KNTC1: variants seen among roughly 807,000 people sequenced by gnomAD.
KNTC1 encodes kinetochore-associated protein 1.
KNTC1 carries 253 observed loss-of-function variants against 314.4 expected under a neutral mutation model. The observed-to-expected ratio is 0.80, with a 90% confidence interval of 0.73 to 0.89. KNTC1 has a LOEUF of 0.89. Ranked by LOEUF, KNTC1 falls within the 40% of genes least tolerant of loss-of-function variation. The probability of loss-of-function intolerance (pLI) is 0.00; values close to 1 mark genes in which losing one functional copy is unlikely to be tolerated. For synonymous variants in KNTC1, 901 were observed against 901.4 expected, an observed-to-expected ratio of 1.00 and a Z score of 0.01; for missense variants, 2,475 against 2,572.9, an observed-to-expected ratio of 0.96 and a Z score of 0.82.
At position 122,538,415 on chromosome 12, in the gene KNTC1, T is replaced by G. The variant is rs751828060; in HGVS notation, c.327T>G (p.His109Gln). 1 of 1,603,386 alleles carries G rather than the reference T, an allele frequency of 6.2e-7. No individual in the cohort carries two copies. The highest frequency in any genetic ancestry group is 8.5e-7 in the Non-Finnish European group (1 of 1,174,408). The change falls in exon 4 of 64, where the codon CAT (histidine) becomes CAG (glutamine). Residue 109 changes from histidine to glutamine, a missense_variant. By Grantham distance (24) the His-to-Gln change is conservative (BLOSUM62 0). Transcript: ENST00000333479. ...TTGGCGAGAGAAGTGGCAACCTACA[T>G]CTTATTCATGTAACATCAAAACAAA... ...LLVGERSGNLHLIHVTSKQTL... is the reference protein window; with the variant it reads ...LLVGERSGNLQLIHVTSKQTL...
chr12:122,572,320 G>A (rs1265227948), intron 24 of KNTC1, among the ~76,000 whole-genome samples: 10 of 151,990 alleles, frequency 6.6e-5, no homozygotes, highest in Admixed American at 6.6e-4. Context: ...GCTTGAAACG[G>A]GGAGGCAGAG....
intron 16 of KNTC1, among the ~76,000 whole-genome samples, chr12:122,554,211 A>G (rs1963422999): frequency 6.7e-6 from 1 of 150,008 alleles, no homozygotes; most frequent in Non-Finnish European, 1.5e-5. Flanking sequence ...GATTACAGGC[A>G]TGAGCCACCA....
chr12:122,539,569 C>A, intron 4 of KNTC1, 107 bp from the exon 5 acceptor site: 1 of 750,170 alleles, frequency 1.3e-6, no homozygotes, highest in Non-Finnish European at 2.1e-6. Context: ...AGAATATAGG[C>A]AGAATTATTG....
intron 39 of KNTC1, 117 bp downstream of exon 39, chr12:122,587,991 C>T (rs559143383): frequency 1.9e-5 from 16 of 821,832 alleles, no homozygotes; most frequent in Middle Eastern, 3.0e-4. Context: ...ATTGGTAATT[C>T]GTCAGATTTA....
intron 59 of KNTC1, chr12:122,620,236 G>A (rs1874279642): frequency 3.8e-6 from 1 of 266,372 alleles, no homozygotes; most frequent in African/African-American, 2.2e-5. Flanking sequence ...GCATCTGTAG[G>A]CTTTCAGACA....
chr12:122,550,145 T>C (rs1041558984), intron 13 of KNTC1, among the ~76,000 whole-genome samples: 1 of 112,546 alleles, frequency 8.9e-6, no homozygotes, highest in Non-Finnish European at 1.8e-5. Flanking sequence ...TAGATGATAA[T>C]GGGAGATGGA....
Position 122,605,053 on chromosome 12 carries a change from A to G in KNTC1, c.5352A>G (p.Gln1784=), listed in dbSNP as rs745456937. Residue 1784 remains glutamine, a synonymous_variant, in exon 50 of 64, where the codon CAA becomes CAG. Transcript: ENST00000333479. The stretch of plus-strand genomic sequence containing the variant: ...TCTACGAACATCCTAGCATCAATCA[A>G]AGAATTCAGAATTCATCTGGCACAG... ...VSLYEHPSIN[Q]RIQNSSGTDY... The G allele has an allele frequency of 1.2e-5, 19 of 1,612,414 alleles. No individual in the cohort carries two copies. In the African/African-American group the frequency reaches 2.1e-4, roughly 18 times the overall value.
At chr12:122,585,478 A>G (rs964323217) in intron 36 of KNTC1, among the ~76,000 whole-genome samples, 158 bp from the exon 37 acceptor site, 3 of 152,232 alleles carry the variant, frequency 2.0e-5, no homozygotes, top group East Asian at 1.9e-4. Context: ...AATTTGCACT[A>G]TCTTTCAAAA....
At chr12:122,530,911 C>T (rs1272599226) in intron 2 of KNTC1, among the ~76,000 whole-genome samples, 1 of 152,300 alleles carries the variant, frequency 6.6e-6, no homozygotes, top group Admixed American at 6.5e-5. Flanking sequence ...TACATTTTAA[C>T]TTTCTTCTGT....
At chr12:122,559,796 A>T (rs1963858548) in intron 18 of KNTC1, among the ~76,000 whole-genome samples, 1 of 152,158 alleles carries the variant, frequency 6.6e-6, no homozygotes, top group African/African-American at 2.4e-5. Flanking sequence ...GCTGGTCTTG[A>T]ACTCCTGACC....
intron 6 of KNTC1, among the ~76,000 whole-genome samples, chr12:122,542,460 A>G (rs907156166): frequency 3.3e-5 from 5 of 152,266 alleles, no homozygotes; most frequent in Admixed American, 6.5e-5. Flanking sequence ...GGAAATGACT[A>G]TGTAGTGTTA....
chr12:122,599,950 T>A (rs1871616422), intron 44 of KNTC1, among the ~76,000 whole-genome samples: 1 of 151,998 alleles, frequency 6.6e-6, no homozygotes, highest in East Asian at 1.9e-4. Flanking sequence ...GCCCAGGAGG[T>A]CAAGGCTGCA....
rs549418615 is a variant in KNTC1, at chr12:122,594,582, C to T, written c.4355+197C>T. 9.2e-5 allele frequency among the ~76,000 whole-genome samples: 14 copies of T among 152,302 alleles called. No homozygotes were observed. The South Asian group carries it at 2.7e-3, about 29-fold the overall frequency. Reference sequence around the variant, plus strand: ...CATTTAAATTCACCATTTAGTGTTTCCCAAACTTGTCTCCTGATAAGCACT... The same window carrying T: ...CATTTAAATTCACCATTTAGTGTTTTCCAAACTTGTCTCCTGATAAGCACT... On this transcript the variant is annotated intron_variant, in intron 43 of 63. Coordinates refer to ENST00000333479, the MANE Select transcript of KNTC1 (RefSeq NM_014708.6).
Position 122,559,438 on chromosome 12 carries a change from A to G in KNTC1, c.1488+1749A>G, listed in dbSNP as rs568268262. Among the ~76,000 whole-genome samples, 9 of 152,280 alleles carry G rather than the reference A, an allele frequency of 5.9e-5. No homozygotes were observed. In the East Asian group the frequency reaches 9.6e-4, roughly 16 times the overall value. On this transcript the variant is annotated intron_variant, in intron 18 of 63. Transcript: ENST00000333479. Reference sequence around the variant, plus strand: ...TTATTGGCACATAATATTCTATTTTATGGATATACCACGTTTTGTTTCTCC... The same window carrying G: ...TTATTGGCACATAATATTCTATTTTGTGGATATACCACGTTTTGTTTCTCC...
At chr12:122,580,184 AT>A (rs1393863579) in intron 32 of KNTC1, among the ~76,000 whole-genome samples, 1 of 152,172 alleles carries the variant, frequency 6.6e-6, no homozygotes, top group African/African-American at 2.4e-5. Context: ...TCAACCTATC[AT>A]TTGTTTATAT....
At chr12:122,604,841 A>G in intron 49 of KNTC1, 36 bp from the exon 50 acceptor site, 1 of 1,559,236 alleles carries the variant, frequency 6.4e-7, no homozygotes, top group South Asian at 1.2e-5. Flanking sequence ...AGGCTTACAA[A>G]GTAAGATTTT....
intron 47 of KNTC1, 25 bp from the exon 48 acceptor site, chr12:122,603,002 G>A (rs769819953): frequency 3.7e-6 from 6 of 1,600,634 alleles, no homozygotes; most frequent in Middle Eastern, 1.7e-4. Flanking sequence ...ATGTGCTTCA[G>A]CCATAACCTT....
At chr12:122,596,220 T>C (rs1871020987) in intron 43 of KNTC1, among the ~76,000 whole-genome samples, 1 of 151,794 alleles carries the variant, frequency 6.6e-6, no homozygotes, top group Non-Finnish European at 1.5e-5. Flanking sequence ...GTAGTTGGGA[T>C]TACAGGCGCA....
At chr12:122,554,076 AATATAT>A (rs60404988) in intron 16 of KNTC1, among the ~76,000 whole-genome samples, 2,435 of 109,042 alleles carry the variant, frequency 0.022, 107 homozygotes, top group African/African-American at 0.09. Context: ...AAAAAAAAAA[AATATAT>A]ATATATATAT....
Sources: gnomAD v4.1 joint callset for allele counts (sites outside exome capture counted in the v4.1 genomes callset) on GRCh38, gnomAD v4.1.1 for gene constraint, MANE v1.5 for transcripts, NCBI Gene and HGNC (gene_info 2026-07-23, HGNC 2026-07-21) for gene names.